DPYD: variants seen among roughly 807,000 people sequenced by gnomAD.
The protein encoded by DPYD is dihydropyrimidine dehydrogenase [NADP(+)].
Under a neutral mutation model 116.2 loss-of-function variants are expected in DPYD, and 109 were observed. That is an observed-to-expected ratio of 0.94 (90% confidence interval 0.80 to 1.10). The LOEUF (loss-of-function observed/expected upper bound fraction) is 1.10, where lower values mean the gene tolerates loss of function less well. Ranked by LOEUF, DPYD falls within the 50% of genes least tolerant of loss-of-function variation. The pLI is 0.00. For missense variants in DPYD, 1,302 were observed against 1,254.5 expected (o/e 1.04, Z -0.57); for synonymous variants, 440 against 432.0 (o/e 1.02, Z -0.23).
intron 10 of DPYD, among the ~76,000 whole-genome samples, chr1:97,582,130 C>T (rs1653729842): frequency 6.6e-6 from 1 of 152,126 alleles, no homozygotes; most frequent in South Asian, 2.1e-4. Context: ...AAGAGTAATG[C>T]AAGTTACATA....
chr1:97,306,156 T>G (rs777535143), intron 17 of DPYD, 21 bp downstream of exon 17: 1 of 1,611,956 alleles, frequency 6.2e-7, no homozygotes, highest in South Asian at 1.1e-5. Flanking sequence ...AGCGGGCAAC[T>G]GATTCAAGTC....
At chr1:97,211,138 A>G (rs1040109932) in intron 19 of DPYD, among the ~76,000 whole-genome samples, 1 of 152,192 alleles carries the variant, frequency 6.6e-6, no homozygotes, top group African/African-American at 2.4e-5. Flanking sequence ...CACTTTCTAC[A>G]AAGTACTGCA....
chr1:97,716,060 TTTA>T (rs966187244), intron 5 of DPYD, among the ~76,000 whole-genome samples: 11 of 152,076 alleles, frequency 7.2e-5, no homozygotes, highest in African/African-American at 2.4e-4. Flanking sequence ...TTCAAAACTG[TTTA>T]TTATCGTTTT....
At chr1:97,537,913 CA>C (rs1650137842) in intron 12 of DPYD, among the ~76,000 whole-genome samples, 1 of 152,098 alleles carries the variant, frequency 6.6e-6, no homozygotes, top group South Asian at 2.1e-4. Context: ...GCCTGACCAA[CA>C]AAACTAACTG....
rs369441141 is a variant in DPYD at position 97,899,209 on chromosome 1, C to A, written c.40-15835G>T. Among the ~76,000 whole-genome samples the A allele has an allele frequency of 4.6e-5, 7 of 151,574 alleles. No homozygotes were observed. In the South Asian group the frequency reaches 1.3e-3, roughly 27 times the overall value. ...TCTGCTTTTTCTCTGGTGGTCTGAA[C>A]CTTGAATAACTGAAGTCAGTCACAC... On this transcript the variant is annotated intron_variant, in intron 1 of 22. Transcript: ENST00000370192.
At chr1:97,358,923 C>T (rs879279433) in intron 16 of DPYD, among the ~76,000 whole-genome samples, 3 of 152,082 alleles carry the variant, frequency 2.0e-5, no homozygotes, top group Non-Finnish European at 2.9e-5. Context: ...GATCACAGCT[C>T]CTCGGCAGCA....
At chr1:97,677,369 T>C (rs1320568973) in intron 8 of DPYD, among the ~76,000 whole-genome samples, 1 of 152,138 alleles carries the variant, frequency 6.6e-6, no homozygotes, top group Non-Finnish European at 1.5e-5. Context: ...TTTCAAATAG[T>C]TATTTGATAA....
Position 97,828,142 on chromosome 1 carries a change from C to A in DPYD, c.205G>T (p.Glu69Ter). The change falls in exon 3 of 23, where the codon GAG (glutamate) becomes TAG (stop). Residue 69 changes from glutamate to a stop codon, truncating the protein, a stop_gained. Coordinates refer to ENST00000370192, the MANE Select transcript of DPYD (RefSeq NM_000110.4). LOFTEE classifies it high-confidence loss of function. ...FDDIKHTTLGERGALREAMRC... is the reference protein window; with the variant it reads ...FDDIKHTTLG ...ATTGCTTCTCGGAGAGCTCCTCGCTCACCAAGAGTCGTGTGCTTGATGTCA... is the reference window on the plus strand; with the variant it reads ...ATTGCTTCTCGGAGAGCTCCTCGCTAACCAAGAGTCGTGTGCTTGATGTCA... 6.2e-7 allele frequency: 1 copy of A among 1,613,770 alleles called. No homozygotes were observed. The highest frequency in any genetic ancestry group is 1.1e-5 in the South Asian group (1 of 91,074).
At chr1:97,910,760 T>C (rs1408787716) in intron 1 of DPYD, among the ~76,000 whole-genome samples, 1 of 152,088 alleles carries the variant, frequency 6.6e-6, no homozygotes, top group Non-Finnish European at 1.5e-5. Flanking sequence ...ACAGAGGTTA[T>C]CAGTCTACTG....
chr1:97,739,489 C>T (rs1557923134), intron 4 of DPYD, among the ~76,000 whole-genome samples: 1 of 151,984 alleles, frequency 6.6e-6, no homozygotes. Flanking sequence ...TCTTTCAAGA[C>T]CCTAAATTTA....
At chr1:97,123,050 G>C (rs953582915) in intron 20 of DPYD, among the ~76,000 whole-genome samples, 2 of 151,966 alleles carry the variant, frequency 1.3e-5, no homozygotes, top group Admixed American at 1.3e-4. Context: ...TTAAAGTAAA[G>C]GTTAACTACC....
chr1:97,581,326 CAA>C (rs1161399547), intron 10 of DPYD, among the ~76,000 whole-genome samples: 16 of 66,594 alleles, frequency 2.4e-4, no homozygotes, highest in South Asian at 1.8e-3. Context: ...GACTCAGTCT[CAA>C]AAAAAAAAAA....
intron 1 of DPYD, among the ~76,000 whole-genome samples, chr1:97,920,383 T>C (rs1036771652): frequency 2.0e-5 from 3 of 152,156 alleles, no homozygotes; most frequent in African/African-American, 7.2e-5. Context: ...AACAATACTA[T>C]GACTAGAGGC....
intron 20 of DPYD, among the ~76,000 whole-genome samples, chr1:97,106,831 T>C (rs1651194778): frequency 6.6e-6 from 1 of 152,116 alleles, no homozygotes; most frequent in Non-Finnish European, 1.5e-5. Flanking sequence ...TACATACCTA[T>C]ATATAACCAA....
chr1:97,227,808 T>C (rs1661292556), intron 19 of DPYD, among the ~76,000 whole-genome samples: 1 of 151,914 alleles, frequency 6.6e-6, no homozygotes, highest in Admixed American at 6.6e-5. Context: ...GTATATCAAG[T>C]GATAATAAGG....
chr1:97,115,774 A>G (rs1028140074), intron 20 of DPYD, among the ~76,000 whole-genome samples: 1 of 152,168 alleles, frequency 6.6e-6, no homozygotes, highest in Admixed American at 6.5e-5. Flanking sequence ...AGAATGGTAG[A>G]TATCAAAGAA....
intron 1 of DPYD, 52 bp downstream of exon 1, chr1:97,920,832 G>A (rs1674481486): frequency 6.4e-7 from 1 of 1,564,390 alleles, no homozygotes; most frequent in Non-Finnish European, 8.7e-7. Flanking sequence ...CCTACCCGCA[G>A]AGCACTCCCC....
intron 1 of DPYD, among the ~76,000 whole-genome samples, chr1:97,884,264 T>A (rs1034483444): frequency 5.9e-5 from 9 of 151,992 alleles, no homozygotes; most frequent in African/African-American, 2.2e-4. Context: ...ATGAACAACA[T>A]ACCATTATTT....
intron 20 of DPYD, among the ~76,000 whole-genome samples, chr1:97,182,924 C>T (rs567619286): frequency 1.1e-4 from 16 of 152,062 alleles, no homozygotes; most frequent in Non-Finnish European, 2.2e-4. Flanking sequence ...TACATTTATT[C>T]TGGGCACAAG....
Sources: allele counts gnomAD v4.1 joint callset (sites outside exome capture counted in the v4.1 genomes callset), GRCh38; gene constraint gnomAD v4.1.1; transcripts MANE v1.5; gene names NCBI Gene and HGNC (gene_info 2026-07-23, HGNC 2026-07-21).